HSP90AA1: variants seen among roughly 807,000 people sequenced by gnomAD.
HSP90AA1 encodes heat shock protein HSP 90-alpha.
A neutral mutation model predicts 73.3 loss-of-function variants in HSP90AA1; 18 were observed. That is an observed-to-expected ratio of 0.25 (90% CI 0.17 to 0.36). The LOEUF is 0.36. Among genes scored for constraint, HSP90AA1 ranks in the 10% least tolerant of loss-of-function variants. HSP90AA1 has a pLI of 1.00. For missense variants in HSP90AA1, 704 were observed against 874.2 expected, an observed-to-expected ratio of 0.81 and a Z score of 2.45; for synonymous variants, 477 against 296.9, an observed-to-expected ratio of 1.61 and a Z score of -6.24.
chr14:102,084,096 G>A (rs2049162529), intron 6 of HSP90AA1, 113 bp from the exon 7 acceptor site: 1 of 878,676 alleles, frequency 1.1e-6, no homozygotes, highest in African/African-American at 1.7e-5. Context: ...TTTTGAGACA[G>A]TCTCACTCTG....
intron 2 of HSP90AA1, among the ~76,000 whole-genome samples, chr14:102,098,617 C>T (rs1256489751): frequency 2.0e-5 from 3 of 151,978 alleles, no homozygotes; most frequent in Non-Finnish European, 2.9e-5. Context: ...TCATGTGCCA[C>T]CACACCCCGC....
intron 10 of HSP90AA1, 34 bp downstream of exon 10, chr14:102,082,072 GTTTAT>G (rs2049112910): frequency 2.2e-6 from 3 of 1,366,862 alleles, no homozygotes; most frequent in African/African-American, 1.4e-5. Flanking sequence ...TGTCACGTGT[GTTTAT>G]TTTCTTTTTA....
At chr14:102,103,845 A>T (rs1469400354) in intron 1 of HSP90AA1, among the ~76,000 whole-genome samples, 1 of 151,906 alleles carries the variant, frequency 6.6e-6, no homozygotes, top group Non-Finnish European at 1.5e-5. Flanking sequence ...TCTACAAAAA[A>T]ATATAAAAAT....
chr14:102,139,484 G>C, exon 1 of HSP90AA1: 1 of 1,408,404 alleles, frequency 7.1e-7, no homozygotes. Context: ...CGCTCTTTGG[G>C]GTCCCGGCGC....
chr14:102,086,596 G>A (rs1378900565), intron 1 of HSP90AA1, among the ~76,000 whole-genome samples: 1 of 151,862 alleles, frequency 6.6e-6, no homozygotes, highest in South Asian at 2.1e-4. Context: ...CCGCAGGCCC[G>A]GGCCCAGTCC....
intron 2 of HSP90AA1, among the ~76,000 whole-genome samples, chr14:102,095,607 C>T (rs2049414314): frequency 2.0e-5 from 3 of 152,218 alleles, no homozygotes; most frequent in Admixed American, 2.0e-4. Context: ...CTCCTGTCTC[C>T]TAGCAGAACC....
At chr14:102,082,736 T>A in intron 9 of HSP90AA1, 4 of 503,644 alleles carry the variant, frequency 7.9e-6, no homozygotes, top group Non-Finnish European at 1.4e-5. Context: ...TTCTCCTGCC[T>A]CAGCCTCCCA....
intron 1 of HSP90AA1, among the ~76,000 whole-genome samples, chr14:102,118,192 C>G (rs926304955): frequency 2.0e-5 from 3 of 152,200 alleles, no homozygotes; most frequent in Admixed American, 1.3e-4. Flanking sequence ...CCAGTGAGCC[C>G]AAGCAAAATT....
At chr14:102,133,582 C>G (rs1344902453) in intron 1 of HSP90AA1, among the ~76,000 whole-genome samples, 6 of 149,926 alleles carry the variant, frequency 4.0e-5, no homozygotes, top group African/African-American at 1.5e-4. Flanking sequence ...CTCCCAGGTT[C>G]AAGTGATTCT....
At chr14:102,107,952 A>ATTTT (rs3068103) in intron 1 of HSP90AA1, among the ~76,000 whole-genome samples, 1 of 147,826 alleles carries the variant, frequency 6.8e-6, no homozygotes. Context: ...TCTCTCTTAA[A>ATTTT]TTTTTTTTTT....
chr14:102,084,099 TCA>T lies in HSP90AA1; in HGVS notation c.1148-118_1148-117del, dbSNP rs559784329. On this transcript the variant is annotated intron_variant, in intron 6 of 10. Coordinates refer to ENST00000216281, the MANE Select transcript of HSP90AA1 (RefSeq NM_005348.4). ...GATGGGACGTATTTTTGAGACAGTC[TCA>T]CTCTGTTGCCCAGGCTGGAGGGCAG... 470 of 875,038 alleles carry T rather than the reference TCA, an allele frequency of 5.4e-4. 8 individuals are homozygous for T. In the South Asian group the frequency reaches 6.4e-3, roughly 12 times the overall value. 54.2% of individuals were successfully genotyped at this position (875,038 alleles called of 1,614,324 possible).
rs982893112 is a variant in HSP90AA1 at position 102,081,757 on chromosome 14, G to A, written c.2154C>T (p.Pro718=). Reference sequence around the variant, plus strand: ...GTGATGTGTCGTCATCTCCTTCAAGGGGTGGCATTTCTTCAGTTACAGCAG... The same window carrying A: ...GTGATGTGTCGTCATCTCCTTCAAGAGGTGGCATTTCTTCAGTTACAGCAG... The part of the protein sequence containing the change: ...TSAAVTEEMP[P]LEGDDDTSRM... The change falls in exon 11 of 11, where the codon CCC becomes CCT. Residue 718 remains proline (P), a synonymous_variant. Coordinates refer to ENST00000216281, the MANE Select transcript of HSP90AA1 (RefSeq NM_005348.4). The A allele has an allele frequency of 1.3e-6, 2 of 1,597,346 alleles. No individual in the cohort carries two copies. The highest frequency in any genetic ancestry group is 1.7e-5 in the Admixed American group (1 of 59,948).
chr14:102,112,428 C>G (rs2049653535), intron 1 of HSP90AA1, among the ~76,000 whole-genome samples: 1 of 152,114 alleles, frequency 6.6e-6, no homozygotes, highest in East Asian at 1.9e-4. Flanking sequence ...CCTGTCTCAG[C>G]CTCCCAAAGT....
rs74721274 is a variant in HSP90AA1 at position 102,109,951 on chromosome 14, T to C, written c.156-7866A>G. 3.4e-3 allele frequency among the ~76,000 whole-genome samples: 523 copies of C among 152,276 alleles called. 3 individuals are homozygous for C. The highest frequency in any genetic ancestry group is 6.2e-3 in the Non-Finnish European group (424 of 68,010). On this transcript the variant is annotated intron_variant, in intron 1 of 11. Coordinates refer to the HSP90AA1 transcript ENST00000334701. ...GGTGACTCGTTATTTTATTTTTTTT[T>C]GAGATGGAGTCCTGCTCTATCATTC...
intron 1 of HSP90AA1, among the ~76,000 whole-genome samples, chr14:102,137,319 T>C (rs559886393): frequency 2.7e-5 from 4 of 150,556 alleles, no homozygotes; most frequent in East Asian, 3.9e-4. Context: ...ATTTATTTAT[T>C]TATCTATTTA....
chr14:102,132,230 G>A lies in HSP90AA1; in HGVS notation c.155+7020C>T, dbSNP rs149135302. On this transcript the variant is annotated intron_variant, in intron 1 of 11. Transcript: ENST00000334701. ...AAAAATACAAAAATTAGCTGGGCGTGGTGGCACATGCCTGTAGTCCCAGCT... is the reference window on the plus strand; with the variant it reads ...AAAAATACAAAAATTAGCTGGGCGTAGTGGCACATGCCTGTAGTCCCAGCT... Among the ~76,000 whole-genome samples the A allele has an allele frequency of 9.0e-3, 1,374 of 152,336 alleles. 27 individuals carry two copies. The highest frequency in any genetic ancestry group is 0.031 in the African/African-American group (1,302 of 41,574).
chr14:102,120,514 A>G (rs532950926), intron 1 of HSP90AA1, among the ~76,000 whole-genome samples: 1 of 152,320 alleles, frequency 6.6e-6, no homozygotes, highest in South Asian at 2.1e-4. Flanking sequence ...AGAAATACGT[A>G]TTACTCTAAC....
rs749290838 is a variant in HSP90AA1 at position 102,082,191 on chromosome 14, G to A, written c.2009C>T (p.Ala670Val). Residue 670 changes from alanine to valine, a missense_variant, in exon 10 of 11, where the codon GCG becomes GTG. Transcript: ENST00000216281. ...KDLVILLYETALLSSGFSLED... is the reference protein window; with the variant it reads ...KDLVILLYETVLLSSGFSLED... ...CAGACTGAAGCCAGAAGACAGGAGC[G>A]CAGTTTCATAAAGCAAGATGACCAG... 5 of 1,613,562 alleles carry A rather than the reference G, an allele frequency of 3.1e-6. No homozygotes were observed. Among genetic ancestry groups the A allele is most frequent in the African/African-American group, 2.7e-5 (2 of 74,900 alleles).
exon 1 of HSP90AA1, chr14:102,139,493 GCC>G: frequency 7.4e-7 from 1 of 1,355,590 alleles, no homozygotes; most frequent in Non-Finnish European, 9.8e-7. Context: ...GGGTCCCGGC[GCC>G]CCTCAGGGCA....
Sources: gnomAD v4.1 joint callset for allele counts (sites outside exome capture counted in the v4.1 genomes callset) on GRCh38, gnomAD v4.1.1 for gene constraint, MANE v1.5 for transcripts, NCBI Gene and HGNC (gene_info 2026-07-23, HGNC 2026-07-21) for gene names.